The following APP variants were observed in gnomAD, a reference collection of about 807,000 sequenced individuals.
APP encodes the protein amyloid-beta precursor protein.
Under a neutral mutation model 101.4 loss-of-function variants are expected in APP, and 31 were observed. The observed-to-expected ratio is 0.31, with a 90% confidence interval of 0.23 to 0.41. The LOEUF is 0.41. APP is among the 10% of genes least tolerant of loss of function. The pLI is 1.00. For missense variants in APP, 839 were observed against 1,003.7 expected (o/e 0.84, Z 2.22); for synonymous variants, 366 against 364.4 (o/e 1.00, Z -0.05).
At chr21:26,149,900 C>A (rs138647434) in intron 1 of APP, among the ~76,000 whole-genome samples, 1 of 152,172 alleles carries the variant, frequency 6.6e-6, no homozygotes, top group African/African-American at 2.4e-5. Context: ...CTTCCAACAC[C>A]CCAGCATGCT....
intron 2 of APP, among the ~76,000 whole-genome samples, chr21:26,102,369 G>A (rs1446140606): frequency 6.6e-6 from 1 of 151,966 alleles, no homozygotes; most frequent in Non-Finnish European, 1.5e-5. Context: ...GATTACAGGC[G>A]TGAGCCACTG....
chr21:25,914,434 C>G (rs945734244), intron 13 of APP, among the ~76,000 whole-genome samples: 2 of 149,100 alleles, frequency 1.3e-5, no homozygotes, highest in Non-Finnish European at 3.0e-5. Flanking sequence ...CCCGTGCCCC[C>G]GAATGGACTA....
At chr21:26,153,355 T>G (rs1047911585) in intron 1 of APP, among the ~76,000 whole-genome samples, 3 of 152,208 alleles carry the variant, frequency 2.0e-5, no homozygotes, top group African/African-American at 7.2e-5. Flanking sequence ...TTATATTTAC[T>G]AAGAAAAACA....
At chr21:25,890,108 TG>T (rs1270949796) in intron 17 of APP, among the ~76,000 whole-genome samples, 1 of 152,012 alleles carries the variant, frequency 6.6e-6, no homozygotes, top group African/African-American at 2.4e-5. Context: ...AACATGACAG[TG>T]GGGTCATTGC....
intron 6 of APP, among the ~76,000 whole-genome samples, chr21:26,005,344 G>A (rs941976421): frequency 6.6e-6 from 1 of 152,156 alleles, no homozygotes; most frequent in African/African-American, 2.4e-5. Flanking sequence ...AACCTGGGAA[G>A]CGTACATTGC....
At chr21:26,004,275 C>CTTTTTTTTT (rs71183538) in intron 6 of APP, among the ~76,000 whole-genome samples, 1 of 72,794 alleles carries the variant, frequency 1.4e-5, no homozygotes, top group Non-Finnish European at 2.4e-5. Context: ...TGTATTAATT[C>CTTTTTTTTT]TTTTTTTTTT....
intron 2 of APP, among the ~76,000 whole-genome samples, chr21:26,109,036 G>C (rs1601484265): frequency 1.3e-5 from 2 of 152,290 alleles, no homozygotes; most frequent in South Asian, 4.1e-4. Flanking sequence ...TAATGTTGAA[G>C]AATCTGGCTG....
At chr21:26,074,689 T>G (rs1008929117) in intron 3 of APP, among the ~76,000 whole-genome samples, 1 of 151,924 alleles carries the variant, frequency 6.6e-6, no homozygotes. Context: ...AGGCGGAGGT[T>G]GCAGTGAGCA....
intron 6 of APP, among the ~76,000 whole-genome samples, chr21:26,015,079 G>A (rs1055346941): frequency 2.6e-5 from 4 of 152,108 alleles, no homozygotes; most frequent in Non-Finnish European, 5.9e-5. Context: ...AGCAAGAAAT[G>A]TTTCTTTTAA....
At chr21:26,153,965 T>C (rs1342861094) in intron 1 of APP, among the ~76,000 whole-genome samples, 2 of 152,236 alleles carry the variant, frequency 1.3e-5, no homozygotes, top group African/African-American at 2.4e-5. Context: ...TGCTTCACGT[T>C]GTAAAGCAAA....
At chr21:26,084,116 A>G (rs1198533633) in intron 3 of APP, among the ~76,000 whole-genome samples, 3 of 151,940 alleles carry the variant, frequency 2.0e-5, no homozygotes, top group African/African-American at 7.3e-5. Flanking sequence ...CCTGAGTTTT[A>G]GAAAGCAAAT....
intron 8 of APP, among the ~76,000 whole-genome samples, chr21:25,984,347 A>C (rs1187480156): frequency 2.0e-5 from 3 of 152,210 alleles, no homozygotes; most frequent in African/African-American, 7.2e-5. Context: ...TGAATTACAC[A>C]CAGGATCACA....
rs371104875 is a variant in APP at position 26,031,782 on chromosome 21, A to G, written c.663-9740T>C. Among the ~76,000 whole-genome samples the G allele has an allele frequency of 3.3e-5, 5 of 152,318 alleles. No individual in the cohort carries two copies. The South Asian group carries it at 6.2e-4, about 19-fold the overall frequency. On this transcript the variant is annotated intron_variant, in intron 5 of 17. Transcript: ENST00000346798. ...ATTTGAATGGAGACACAGCCAGTCC[A>G]TATCAGGAAGCAAAAACAACAAACT...
At chr21:25,938,832 G>A (rs897878392) in intron 13 of APP, among the ~76,000 whole-genome samples, 1 of 152,128 alleles carries the variant, frequency 6.6e-6, no homozygotes, top group East Asian at 1.9e-4. Context: ...TGGAAAGCTC[G>A]AGCTAGGACT....
chr21:26,051,987 G>T (rs2045857471), intron 4 of APP, among the ~76,000 whole-genome samples: 1 of 152,164 alleles, frequency 6.6e-6, no homozygotes, highest in South Asian at 2.1e-4. Flanking sequence ...ATAGGTAGCT[G>T]GACTTCAAAT....
intron 2 of APP, among the ~76,000 whole-genome samples, chr21:26,101,399 A>C (rs890332672): frequency 2.0e-5 from 3 of 152,014 alleles, no homozygotes; most frequent in Non-Finnish European, 4.4e-5. Context: ...ACCCGGCCCA[A>C]GTTCTCTCTT....
intron 3 of APP, among the ~76,000 whole-genome samples, chr21:26,059,059 C>G (rs904125846): frequency 6.7e-6 from 1 of 149,488 alleles, no homozygotes; most frequent in Non-Finnish European, 1.5e-5. Context: ...CCAGCCTGGG[C>G]GACAGAGCGA....
chr21:26,092,270 A>G (rs1864351755), intron 2 of APP, among the ~76,000 whole-genome samples: 1 of 152,212 alleles, frequency 6.6e-6, no homozygotes, highest in South Asian at 2.1e-4. Flanking sequence ...GTTAAAAAAT[A>G]AGGTACTGTG....
intron 11 of APP, among the ~76,000 whole-genome samples, chr21:25,959,074 TGATCTGGCCC>T (rs2041462267): frequency 6.6e-6 from 1 of 152,216 alleles, no homozygotes; most frequent in Non-Finnish European, 1.5e-5. Context: ...AATCACTTTG[TGATCTGGCCC>T]TTCAAGGAGA....
Sources: gnomAD v4.1 joint callset for allele counts (sites outside exome capture counted in the v4.1 genomes callset) on GRCh38, gnomAD v4.1.1 for gene constraint, MANE v1.5 for transcripts, NCBI Gene and HGNC (gene_info 2026-07-23, HGNC 2026-07-21) for gene names.